LAMA3: variants seen among roughly 807,000 people sequenced by gnomAD.
The protein encoded by LAMA3 is laminin subunit alpha 3, also known as laminin subunit alpha-3.
A neutral mutation model predicts 402.0 loss-of-function variants in LAMA3; 281 were observed. The observed-to-expected ratio is 0.70, with a 90% CI of 0.63 to 0.77. The LOEUF (loss-of-function observed/expected upper bound fraction) is 0.77, where lower values mean the gene tolerates loss of function less well. LAMA3 is among the 30% of genes least tolerant of loss of function. The pLI, the probability that LAMA3 is intolerant of heterozygous loss-of-function variation, is 0.00. For missense variants in LAMA3, 3,840 were observed against 4,215.5 expected, an observed-to-expected ratio of 0.91 and a Z score of 2.47; for synonymous variants, 1,431 against 1,558.4, an observed-to-expected ratio of 0.92 and a Z score of 1.93.
intron 23 of LAMA3, among the ~76,000 whole-genome samples, chr18:23,830,634 T>C (rs928117590): frequency 2.0e-5 from 3 of 152,190 alleles, no homozygotes; most frequent in African/African-American, 7.2e-5. Flanking sequence ...AATTTAAAAA[T>C]TAACGACAAC....
chr18:23,707,086 A>G (rs2060903696), intron 1 of LAMA3, among the ~76,000 whole-genome samples: 1 of 152,182 alleles, frequency 6.6e-6, no homozygotes, highest in Non-Finnish European at 1.5e-5. Context: ...CTCAAAAAAA[A>G]CAAAAACAAA....
chr18:23,857,755 A>C, intron 32 of LAMA3, 89 bp from the exon 33 acceptor site: 1 of 1,541,988 alleles, frequency 6.5e-7, no homozygotes, highest in Non-Finnish European at 9.0e-7. Context: ...CTGGCTTTGC[A>C]CACCAATTAG....
chr18:23,943,567 C>T (rs1277780685), intron 68 of LAMA3, among the ~76,000 whole-genome samples: 2 of 152,246 alleles, frequency 1.3e-5, no homozygotes, highest in East Asian at 3.9e-4. Flanking sequence ...CATGTTATTC[C>T]CCAATGTAGT....
rs145752281 is a variant in LAMA3 at position 23,777,700 on chromosome 18, C to T, written c.1468+81C>T. ...TTCCTACTTCCTGTGTGCACTGCCA[C>T]ATCCAAGGCCAAGTCTCCCTTCCTA... On this transcript the variant is annotated intron_variant, in intron 11 of 74. Coordinates refer to ENST00000313654, the MANE Select transcript of LAMA3 (RefSeq NM_198129.4). 3.7e-5 allele frequency: 39 copies of T among 1,042,246 alleles called. No homozygotes were observed. The African/African-American group carries it at 4.4e-4, about 12-fold the overall frequency. 64.6% of individuals were successfully genotyped at this position (1,042,246 alleles called of 1,614,324 possible).
chr18:23,875,201 C>A (rs1381615488), intron 38 of LAMA3, among the ~76,000 whole-genome samples: 2 of 151,954 alleles, frequency 1.3e-5, no homozygotes, highest in Admixed American at 6.5e-5. Flanking sequence ...ATTTGCTCTG[C>A]CAAAATAAAG....
intron 20 of LAMA3, among the ~76,000 whole-genome samples, chr18:23,822,942 G>T (rs866715309): frequency 4.6e-5 from 7 of 152,192 alleles, no homozygotes; most frequent in Non-Finnish European, 8.8e-5. Context: ...GAGAAGGCCC[G>T]CAGGTCTGTT....
rs1568268194 is a variant in LAMA3, at chr18:23,861,635, CCT to C, written c.4423-8_4423-7del. On this transcript the variant is annotated splice_polypyrimidine_tract_variant and intron_variant, in intron 34 of 74. Transcript: ENST00000313654. The stretch of plus-strand genomic sequence containing the variant: ...GACGTTTCCATCCCTTGCTTCTCTC[CCT>C]CTTTCCAGTTTGTGGATATGCTGGG... 1 of 1,614,170 alleles carries C rather than the reference CCT, an allele frequency of 6.2e-7. No homozygotes were observed. Among genetic ancestry groups the C allele is most frequent in the East Asian group, 2.2e-5 (1 of 44,872 alleles).
In LAMA3 at chr18:23,819,886, T is replaced by C; in HGVS notation, c.2193T>C (p.Tyr731=). 1.9e-6 allele frequency: 3 copies of C among 1,614,114 alleles called. No homozygotes were observed. Among genetic ancestry groups the C allele is most frequent in the Non-Finnish European group, 2.5e-6 (3 of 1,179,962 alleles). Residue 731 remains tyrosine, a synonymous_variant, in exon 19 of 75, where the codon TAT becomes TAC. Coordinates refer to ENST00000313654, the MANE Select transcript of LAMA3 (RefSeq NM_198129.4). ...YYFPDLHHMK[Y]EIEDGSTPNG... ...TCCCAGATTTGCATCATATGAAGTA[T>C]GAGATTGAAGACGGCAGCACACCTA...
chr18:23,903,070 A>G lies in LAMA3; in HGVS notation c.6263A>G (p.Asp2088Gly), dbSNP rs1442032133. ...TTCACCAAGTATCTAACCACTGCAG[A>G]CTCATCTTTGTTGCAAACCAACATT... ...SDFTKYLTTA[D>G]SSLLQTNIAL... The change falls in exon 49 of 75, where the codon GAC becomes GGC. Residue 2088 changes from aspartate (D) to glycine (G), a missense_variant. Around this residue, in one of 3 missense-constraint regions of LAMA3, gnomAD observed 891 missense variants for 857.5 expected, o/e 1.04. Transcript: ENST00000313654. 1 of 1,613,574 alleles carries G rather than the reference A, an allele frequency of 6.2e-7. No individual in the cohort carries two copies. Among genetic ancestry groups the G allele is most frequent in the Admixed American group, 1.7e-5 (1 of 60,032 alleles).
intron 2 of LAMA3, among the ~76,000 whole-genome samples, chr18:23,735,498 C>T (rs1465040239): frequency 1.3e-5 from 2 of 152,068 alleles, no homozygotes; most frequent in East Asian, 1.9e-4. Flanking sequence ...CTGTTTTCCT[C>T]CTTTGTCTAA....
At chr18:23,713,214 T>C (rs1395510147) in intron 1 of LAMA3, among the ~76,000 whole-genome samples, 1 of 152,212 alleles carries the variant, frequency 6.6e-6, no homozygotes, top group Non-Finnish European at 1.5e-5. Flanking sequence ...TCTCTCCATG[T>C]ACCTGGCAAG....
Position 23,950,294 on chromosome 18 carries a change from TA to T in LAMA3, c.9642+136del, listed in dbSNP as rs149985809. On this transcript the variant is annotated intron_variant, in intron 72 of 74. Coordinates refer to ENST00000313654, the MANE Select transcript of LAMA3 (RefSeq NM_198129.4). ...AAGAGCCTTGACTTCAGTGCTAACT[TA>T]CCATTTTCCTTTAGCAAGTAATTTT... The T allele has an allele frequency of 4.4e-3, 4,166 of 948,340 alleles. 137 individuals carry two copies. In the East Asian group the frequency reaches 0.083, roughly 19 times the overall value. 58.7% of individuals were successfully genotyped at this position (948,340 alleles called of 1,614,324 possible). A position where few individuals can be genotyped will look rare whatever the true frequency, so the allele number is the denominator to read the frequency against.
chr18:23,868,488 T>A (rs764245775), intron 37 of LAMA3, among the ~76,000 whole-genome samples: 20 of 152,306 alleles, frequency 1.3e-4, no homozygotes, highest in Non-Finnish European at 2.2e-4. Flanking sequence ...GGGGTGTGCC[T>A]GTAATCCCAG....
intron 34 of LAMA3, 82 bp from the exon 35 acceptor site, chr18:23,861,564 T>G: frequency 6.6e-7 from 1 of 1,513,250 alleles, no homozygotes; most frequent in Non-Finnish European, 9.2e-7. Context: ...CGTGGAGCTT[T>G]CTGTAGTACA....
At chr18:23,706,590 T>C (rs1394549480) in intron 1 of LAMA3, among the ~76,000 whole-genome samples, 1 of 152,216 alleles carries the variant, frequency 6.6e-6, no homozygotes, top group Non-Finnish European at 1.5e-5. Flanking sequence ...TGTGTTTATA[T>C]GTGTTTCCTC....
chr18:23,841,672 C>A (rs1313656514), intron 27 of LAMA3, among the ~76,000 whole-genome samples: 1 of 152,140 alleles, frequency 6.6e-6, no homozygotes, highest in Non-Finnish European at 1.5e-5. Flanking sequence ...CTTGTGATCC[C>A]AGCACTTTGG....
Position 23,810,368 on chromosome 18 carries a change from T to C in LAMA3, c.1606T>C (p.Cys536Arg). The change falls in exon 13 of 75, where the codon TGC becomes CGC. Residue 536 changes from cysteine (C) to arginine (R), a missense_variant and splice_region_variant. Coordinates refer to ENST00000313654, the MANE Select transcript of LAMA3 (RefSeq NM_198129.4). ...GFYSFPICQA[C>R]WCSALGSYQM... ...TCTGATTGAATTCTTTCATCCAGCC[T>C]GCTGGTGTTCAGCCCTTGGATCCTA... The C allele has an allele frequency of 6.2e-7, 1 of 1,614,142 alleles. No individual in the cohort carries two copies. Among genetic ancestry groups the C allele is most frequent in the Non-Finnish European group, 8.5e-7 (1 of 1,179,990 alleles).
intron 41 of LAMA3, among the ~76,000 whole-genome samples, chr18:23,889,342 G>T (rs7236184): frequency 0.01 from 1,520 of 151,960 alleles, 33 homozygotes; most frequent in African/African-American, 0.035. Context: ...CAGAAGGATT[G>T]CTTGAGCCCA....
At chr18:23,784,000 T>C in intron 11 of LAMA3, 23 bp from the exon 12 acceptor site, 1 of 1,614,032 alleles carries the variant, frequency 6.2e-7, no homozygotes, top group Non-Finnish European at 8.5e-7. Flanking sequence ...AGACCCCTTC[T>C]GAAAGTTTCC....
Sources: gnomAD v4.1 joint callset for allele counts (sites outside exome capture counted in the v4.1 genomes callset) on GRCh38, gnomAD v4.1.1 for gene constraint, gnomAD v4.1.1 regional missense constraint, MANE v1.5 for transcripts, NCBI Gene and HGNC (gene_info 2026-07-23, HGNC 2026-07-21) for gene names.